GRIK1: variants seen among roughly 807,000 people sequenced by gnomAD.
GRIK1 encodes the protein glutamate ionotropic receptor kainate type subunit 1.
In GRIK1, 69 loss-of-function variants were observed where a neutral mutation model predicts 105.7. The observed-to-expected ratio is 0.65, with a 90% CI of 0.54 to 0.80. The LOEUF (loss-of-function observed/expected upper bound fraction) is 0.80, where lower values mean the gene tolerates loss of function less well. Among genes scored for constraint, GRIK1 ranks in the 30% least tolerant of loss-of-function variants. The pLI is 0.00. For missense variants in GRIK1, 1,109 were observed against 1,167.3 expected (o/e 0.95, Z 0.73); for synonymous variants, 438 against 431.3 (o/e 1.02, Z -0.19).
At chr21:29,601,339 G>T in intron 7 of GRIK1, 3 of 401,768 alleles carry the variant, frequency 7.5e-6, no homozygotes, top group Non-Finnish European at 1.6e-5. Flanking sequence ...AGCTTTCCAG[G>T]GTCTCTAGTT....
At chr21:29,581,566 T>G in intron 12 of GRIK1, 23 bp from the exon 13 acceptor site, 1 of 1,349,416 alleles carries the variant, frequency 7.4e-7, no homozygotes, top group Non-Finnish European at 1.1e-6. Context: ...ACAGAAACAG[T>G]CTGTAAATAT....
At chr21:29,831,876 C>T (rs985566376) in intron 1 of GRIK1, among the ~76,000 whole-genome samples, 1 of 152,096 alleles carries the variant, frequency 6.6e-6, no homozygotes, top group Admixed American at 6.6e-5. Context: ...TCAACATTAC[C>T]TCAAAAATCT....
chr21:29,899,679 A>C (rs1011995472), intron 1 of GRIK1, among the ~76,000 whole-genome samples: 2 of 152,090 alleles, frequency 1.3e-5, no homozygotes, highest in Non-Finnish European at 2.9e-5. Flanking sequence ...GATTATAGAG[A>C]TGTCATTTTC....
At chr21:29,806,425 C>T (rs138903798) in intron 1 of GRIK1, among the ~76,000 whole-genome samples, 8 of 151,928 alleles carry the variant, frequency 5.3e-5, no homozygotes, top group African/African-American at 1.7e-4. Flanking sequence ...TCTGCGATTA[C>T]GGAAATACTT....
chr21:29,609,928 C>G (rs183541998), intron 7 of GRIK1, among the ~76,000 whole-genome samples: 1 of 152,234 alleles, frequency 6.6e-6, no homozygotes, highest in East Asian at 1.9e-4. Context: ...GACTAATATG[C>G]CAGGAATGTA....
chr21:29,811,035 G>C (rs913067822), intron 1 of GRIK1, among the ~76,000 whole-genome samples: 1 of 152,070 alleles, frequency 6.6e-6, no homozygotes, highest in Non-Finnish European at 1.5e-5. Context: ...TTTTTATTTA[G>C]CTCTGATGAA....
At chr21:29,596,699 T>C (rs2061420556) in intron 8 of GRIK1, 129 bp from the exon 9 acceptor site, 1 of 748,302 alleles carries the variant, frequency 1.3e-6, no homozygotes, top group African/African-American at 1.7e-5. Flanking sequence ...GGAATTTGCA[T>C]CTTAATTCAA....
chr21:29,612,989 G>A (rs2061763433), intron 7 of GRIK1, among the ~76,000 whole-genome samples: 1 of 152,184 alleles, frequency 6.6e-6, no homozygotes, highest in African/African-American at 2.4e-5. Context: ...TCAAATGACT[G>A]GGGCTTGAAT....
At chr21:29,791,256 A>G (rs944618179) in intron 1 of GRIK1, among the ~76,000 whole-genome samples, 1 of 152,142 alleles carries the variant, frequency 6.6e-6, no homozygotes, top group Non-Finnish European at 1.5e-5. Context: ...AATCTGTGAT[A>G]TACTGATGCT....
intron 7 of GRIK1, among the ~76,000 whole-genome samples, chr21:29,602,543 A>G (rs2061538176): frequency 6.6e-6 from 1 of 152,212 alleles, no homozygotes; most frequent in South Asian, 2.1e-4. Flanking sequence ...GGAGAGAAGT[A>G]TGGAGAAGAA....
rs187501343 is a variant in GRIK1, at chr21:29,630,893, G to A, written c.1098+11933C>T. 4.6e-5 allele frequency: 14 copies of A among 302,400 alleles called. 1 individual carries two copies. Among genetic ancestry groups the A allele is most frequent in the South Asian group, 3.6e-4 (12 of 33,652 alleles). 18.7% of individuals were successfully genotyped at this position (302,400 alleles called of 1,614,324 possible). A position where few individuals can be genotyped will look rare whatever the true frequency, so the allele number is the denominator to read the frequency against. ...TGGCTGTTTGCAACCTCTGCCTCCC[G>A]GGTTCAAGTGATCCTCCCACCCTCT... is the stretch of plus-strand genomic sequence containing the variant. On this transcript the variant is annotated intron_variant, in intron 7 of 17. Coordinates refer to ENST00000327783, the MANE Select transcript of GRIK1 (RefSeq NM_001330994.2).
intron 1 of GRIK1, among the ~76,000 whole-genome samples, chr21:29,838,015 A>G (rs575940353): frequency 2.0e-4 from 30 of 152,352 alleles, no homozygotes; most frequent in African/African-American, 7.0e-4. Flanking sequence ...GAAGAGGAAG[A>G]TGGTTCAAAA....
chr21:29,538,993 CT>C (rs1188829218), intron 16 of GRIK1, among the ~76,000 whole-genome samples: 1 of 151,974 alleles, frequency 6.6e-6, no homozygotes, highest in East Asian at 1.9e-4. Context: ...TTGAATAAAA[CT>C]TTTTATCTCT....
At position 29,864,392 on chromosome 21, in the gene GRIK1, G is replaced by T. The variant is rs79008324; in HGVS notation, c.118+74991C>A. On this transcript the variant is annotated intron_variant, in intron 1 of 17. Transcript: ENST00000327783. ...TTCTACCCTACTTTCTCTGAATTTT[G>T]ACCTCTTAAATCAATACTCAAATCT... 1.4e-3 allele frequency among the ~76,000 whole-genome samples: 211 copies of T among 151,776 alleles called. 1 individual carries two copies. The highest frequency in any genetic ancestry group is 5.0e-3 in the African/African-American group (209 of 41,388).
intron 1 of GRIK1, among the ~76,000 whole-genome samples, chr21:29,817,004 A>G (rs1409449233): frequency 6.6e-6 from 1 of 152,138 alleles, no homozygotes; most frequent in Admixed American, 6.6e-5. Flanking sequence ...TGATTTGATC[A>G]TTACGTATTG....
At chr21:29,596,223 T>C (rs1421466207) in intron 9 of GRIK1, 10 of 475,114 alleles carry the variant, frequency 2.1e-5, no homozygotes, top group Admixed American at 1.2e-4. Flanking sequence ...TGTCTCCTTC[T>C]GTTACAGTTG....
chr21:29,901,621 A>G (rs2070411424), intron 1 of GRIK1, among the ~76,000 whole-genome samples: 2 of 152,176 alleles, frequency 1.3e-5, no homozygotes, highest in African/African-American at 4.8e-5. Flanking sequence ...TGAAAAGGCC[A>G]ATAACAGATT....
At chr21:29,857,032 G>A (rs557953634) in intron 1 of GRIK1, among the ~76,000 whole-genome samples, 3 of 152,308 alleles carry the variant, frequency 2.0e-5, no homozygotes, top group African/African-American at 7.2e-5. Context: ...CCACAGGAAG[G>A]ATTTTAGATT....
At chr21:29,554,142 G>A (rs536731996) in intron 16 of GRIK1, among the ~76,000 whole-genome samples, 3 of 152,188 alleles carry the variant, frequency 2.0e-5, no homozygotes, top group East Asian at 1.9e-4. Flanking sequence ...GGTCCAGTGC[G>A]AAATGAAAAT....
Sources: allele counts gnomAD v4.1 joint callset (sites outside exome capture counted in the v4.1 genomes callset), GRCh38; gene constraint gnomAD v4.1.1; transcripts MANE v1.5; gene names NCBI Gene and HGNC (gene_info 2026-07-23, HGNC 2026-07-21).